ZNF175: variants seen among roughly 807,000 people sequenced by gnomAD.
ZNF175 encodes zinc finger protein OTK18.
In ZNF175, 8 loss-of-function variants were observed where a neutral mutation model predicts 14.0. That is an observed-to-expected ratio of 0.57 (90% confidence interval 0.34 to 1.03). The LOEUF is 1.03. Among genes scored for constraint, ZNF175 ranks in the 50% least tolerant of loss-of-function variants. The pLI, the probability that ZNF175 is intolerant of heterozygous loss-of-function variation, is 0.03. For missense variants in ZNF175, 764 were observed against 849.5 expected, an observed-to-expected ratio of 0.90 and a Z score of 1.25; for synonymous variants, 255 against 296.8, an observed-to-expected ratio of 0.86 and a Z score of 1.45.
Position 51,592,367 on chromosome 19 carries a change from G to T in ZNF175, c.*3900G>T. 2.6e-6 allele frequency: 1 copy of T among 387,618 alleles called. No individual in the cohort carries two copies. 24.0% of individuals were successfully genotyped at this position (387,618 alleles called of 1,614,324 possible). Reference sequence around the variant, plus strand: ...ATAGATCTCGCCTTGTGGCTCCTTTGCAGATTACATGCGTTAATTATGTAA... The same window carrying T: ...ATAGATCTCGCCTTGTGGCTCCTTTTCAGATTACATGCGTTAATTATGTAA... On this transcript the variant is annotated 3_prime_UTR_variant, in exon 5 of 5. Coordinates refer to ENST00000262259, the MANE Select transcript of ZNF175 (RefSeq NM_007147.4).
chr19:51,576,140 GT>G lies in ZNF175; in HGVS notation c.72+2750del, dbSNP rs1317986267. 3.6e-4 allele frequency among the ~76,000 whole-genome samples: 49 copies of G among 135,314 alleles called. 1 individual carries two copies. The highest frequency in any genetic ancestry group is 4.9e-4 in the South Asian group (2 of 4,082). The allele number at this position is 135,314 out of a possible 152,430, so 88.8% of individuals were successfully genotyped here. On this transcript the variant is annotated intron_variant, in intron 2 of 4. Transcript: ENST00000262259. ...GCAAACCCTCGCTATTTCAGGGACAGTTTTTTTTTTTGTTTTTTTTTTTTTT... is the reference window on the plus strand; with the variant it reads ...GCAAACCCTCGCTATTTCAGGGACAGTTTTTTTTTTGTTTTTTTTTTTTTT...
In ZNF175 at chr19:51,583,560, T is replaced by C. The variant is rs547478207; in HGVS notation, c.295+1678T>C. On this transcript the variant is annotated intron_variant, in intron 4 of 4. Coordinates refer to ENST00000262259, the MANE Select transcript of ZNF175 (RefSeq NM_007147.4). ...AACTAGATCCCCATTTTCTCATATT[T>C]AGACAATTTTGTTCCCAGTGAGATA... 3.3e-5 allele frequency among the ~76,000 whole-genome samples: 5 copies of C among 152,338 alleles called. No homozygotes were observed. In the East Asian group the frequency reaches 9.6e-4, roughly 29 times the overall value.
At chr19:51,577,745 G>A (rs1037257101) in intron 2 of ZNF175, among the ~76,000 whole-genome samples, 1 of 145,138 alleles carries the variant, frequency 6.9e-6, no homozygotes, top group Non-Finnish European at 1.5e-5. Flanking sequence ...CTCACTGCAA[G>A]CTCCGCCTCC....
chr19:51,582,399 G>A (rs1226925916), intron 4 of ZNF175, among the ~76,000 whole-genome samples: 2 of 152,184 alleles, frequency 1.3e-5, no homozygotes, highest in African/African-American at 4.8e-5. Flanking sequence ...CTGGGTTCAA[G>A]TGATTCTCCT....
chr19:51,589,902 C>T lies in ZNF175; in HGVS notation c.*1435C>T. 2.5e-6 allele frequency: 1 copy of T among 398,360 alleles called. No homozygotes were observed. The highest frequency in any genetic ancestry group is 4.3e-5 in the South Asian group (1 of 23,402). The allele number at this position is 398,360 out of a possible 1,614,324, so 24.7% of individuals were successfully genotyped here. On this transcript the variant is annotated 3_prime_UTR_variant, in exon 5 of 5. Transcript: ENST00000262259. ...ACACACAAACACACACACATACACA[C>T]ATATTACTATGTTCATCATCATATA... is the stretch of plus-strand genomic sequence containing the variant.
In ZNF175 at chr19:51,588,460, A is replaced by C; in HGVS notation, c.2129A>C (p.Lys710Thr). 1 of 1,544,656 alleles carries C rather than the reference A, an allele frequency of 6.5e-7. No individual in the cohort carries two copies. Among genetic ancestry groups the C allele is most frequent in the Non-Finnish European group, 8.7e-7 (1 of 1,151,544 alleles). The change falls in exon 5 of 5, where the codon AAG becomes ACG. Residue 710 changes from lysine to threonine, a missense_variant. Lys to Thr is a moderately conservative substitution (Grantham distance 78). Transcript: ENST00000262259. ...AGTTATTCTGTGAAAGGCTTTACCA[A>C]GCAATGAATTCCTAGTGCATCAGCA... Reference protein sequence around the residue: ...KCSYSVKGFTKQ With the variant: ...KCSYSVKGFTTQ
Position 51,592,424 on chromosome 19 carries a change from TGAG to T in ZNF175, c.*3958_*3960del. The T allele has an allele frequency of 1.2e-5, 6 of 498,222 alleles. No individual in the cohort carries two copies. The highest frequency in any genetic ancestry group is 7.2e-5 in the South Asian group (2 of 27,916). 30.9% of individuals were successfully genotyped at this position (498,222 alleles called of 1,614,324 possible). ...GCATTAGAATGGTGGCTGTCCACCA[TGAG>T]TACAACACAAATGCTCGTTCTTAAT... On this transcript the variant is annotated 3_prime_UTR_variant, in exon 5 of 5. Coordinates refer to ENST00000262259, the MANE Select transcript of ZNF175 (RefSeq NM_007147.4).
intron 1 of ZNF175, among the ~76,000 whole-genome samples, chr19:51,572,504 C>T (rs1981628366): frequency 6.6e-6 from 1 of 152,068 alleles, no homozygotes; most frequent in Admixed American, 6.6e-5. Flanking sequence ...ACTGAAAAGT[C>T]CAGAAGCTCA....
chr19:51,587,173 G>A lies in ZNF175; in HGVS notation c.842G>A (p.Cys281Tyr), dbSNP rs754418239. 5.6e-6 allele frequency: 9 copies of A among 1,614,210 alleles called. No homozygotes were observed. Among genetic ancestry groups the A allele is most frequent in the East Asian group, 2.2e-5 (1 of 44,892 alleles). Residue 281 changes from cysteine to tyrosine, a missense_variant, in exon 5 of 5, where the codon TGT becomes TAT. Coordinates refer to ENST00000262259, the MANE Select transcript of ZNF175 (RefSeq NM_007147.4). ...CATACTCAGAAGAAACCAGATGGAT[G>A]TTCTGAATGTGGGGGGAGCTTCACC... ...QIHTQKKPDG[C>Y]SECGGSFTQK...
chr19:51,585,475 T>C (rs1474726450), intron 4 of ZNF175, among the ~76,000 whole-genome samples: 1 of 148,782 alleles, frequency 6.7e-6, no homozygotes, highest in Non-Finnish European at 1.5e-5. Context: ...GCACTTTTGC[T>C]ACAATAAGAA....
In ZNF175 at chr19:51,588,224, T is replaced by G; in HGVS notation, c.1893T>G (p.Ile631Met). The G allele has an allele frequency of 6.2e-7, 1 of 1,614,034 alleles. No homozygotes were observed. Among genetic ancestry groups the G allele is most frequent in the Non-Finnish European group, 8.5e-7 (1 of 1,179,998 alleles). ...CTTTTGTCCAGAAATCAGAGTTGATTACCCATCAAAGAACTCACATGGGAG... is the reference window on the plus strand; with the variant it reads ...CTTTTGTCCAGAAATCAGAGTTGATGACCCATCAAAGAACTCACATGGGAG... ...GKAFVQKSEL[I>M]THQRTHMGEK... Residue 631 changes from isoleucine to methionine, a missense_variant, in exon 5 of 5, where the codon ATT becomes ATG. Physicochemically the swap from Ile to Met is conservative, Grantham distance 10. Transcript: ENST00000262259.
chr19:51,580,682 A>C (rs181134022), intron 2 of ZNF175, among the ~76,000 whole-genome samples: 1 of 152,320 alleles, frequency 6.6e-6, no homozygotes, highest in East Asian at 1.9e-4. Context: ...ACTTCTTTGG[A>C]GCTTGGATGG....
Position 51,573,135 on chromosome 19 carries a change from C to G in ZNF175, c.-180-15C>G. 1.6e-6 allele frequency: 1 copy of G among 611,700 alleles called. No homozygotes were observed. Among genetic ancestry groups the G allele is most frequent in the Non-Finnish European group, 2.9e-6 (1 of 349,404 alleles). 37.9% of individuals were successfully genotyped at this position (611,700 alleles called of 1,614,324 possible). ...AATGTTGAATGAGTGACCATGTACTCATTGCTTTTCCAAGGCTTCTGCAGA... is the reference window on the plus strand; with the variant it reads ...AATGTTGAATGAGTGACCATGTACTGATTGCTTTTCCAAGGCTTCTGCAGA... On this transcript the variant is annotated splice_polypyrimidine_tract_variant and intron_variant, in intron 1 of 4. Coordinates refer to ENST00000262259, the MANE Select transcript of ZNF175 (RefSeq NM_007147.4).
In ZNF175 at chr19:51,591,334, G is replaced by C. The variant is rs1480982624; in HGVS notation, c.*2867G>C. ...AATGCCTGTGGGATAATAGACGGAGGAATCTGGAGTTTGGTTGGGTGATTA... is the reference window on the plus strand; with the variant it reads ...AATGCCTGTGGGATAATAGACGGAGCAATCTGGAGTTTGGTTGGGTGATTA... On this transcript the variant is annotated 3_prime_UTR_variant, in exon 5 of 5. Coordinates refer to ENST00000262259, the MANE Select transcript of ZNF175 (RefSeq NM_007147.4). The C allele has an allele frequency of 6.6e-6, 1 of 152,348 alleles. No individual in the cohort carries two copies. Among genetic ancestry groups the C allele is most frequent in the East Asian group, 1.9e-4 (1 of 5,196 alleles). The allele number at this position is 152,348 out of a possible 1,614,324, so 9.4% of individuals were successfully genotyped here.
At chr19:51,573,530 G>A (rs1199678876) in intron 2 of ZNF175, 129 bp downstream of exon 2, 1 of 802,200 alleles carries the variant, frequency 1.2e-6, no homozygotes, top group Admixed American at 2.8e-5. Flanking sequence ...AGAGGCTGAT[G>A]TTTCCACATT....
chr19:51,583,168 C>T (rs1470497224), intron 4 of ZNF175, among the ~76,000 whole-genome samples: 1 of 152,126 alleles, frequency 6.6e-6, no homozygotes, highest in African/African-American at 2.4e-5. Context: ...GGCATCTTTT[C>T]CCACAGGAAT....
intron 3 of ZNF175, 50 bp downstream of exon 3, chr19:51,581,567 TC>T (rs773317307): frequency 2.5e-5 from 40 of 1,581,942 alleles, no homozygotes; most frequent in Non-Finnish European, 3.4e-5. Context: ...TGAGGAGATT[TC>T]CTTCCTCCTC....
chr19:51,584,460 G>T (rs1282529825), intron 4 of ZNF175, among the ~76,000 whole-genome samples: 1 of 152,168 alleles, frequency 6.6e-6, no homozygotes, highest in Non-Finnish European at 1.5e-5. Context: ...AGTTCTGATA[G>T]TTTACATTGA....
intron 2 of ZNF175, among the ~76,000 whole-genome samples, chr19:51,578,569 A>G (rs1981888724): frequency 6.6e-6 from 1 of 152,142 alleles, no homozygotes; most frequent in South Asian, 2.1e-4. Context: ...GGAGTTTGAG[A>G]CGATCCTGAG....
Sources: gnomAD v4.1 joint callset for allele counts (sites outside exome capture counted in the v4.1 genomes callset) on GRCh38, gnomAD v4.1.1 for gene constraint, MANE v1.5 for transcripts, NCBI Gene and HGNC (gene_info 2026-07-23, HGNC 2026-07-21) for gene names.